RGS20: variants seen among roughly 807,000 people sequenced by gnomAD.
RGS20 encodes regulator of G protein signaling 20.
A neutral mutation model predicts 33.6 loss-of-function variants in RGS20; 30 were observed. That is an observed-to-expected ratio of 0.89 (90% CI 0.67 to 1.21). The LOEUF is 1.21. Among genes scored for constraint, RGS20 ranks in the 50% most tolerant of loss-of-function variants. RGS20 has a pLI of 0.00. For synonymous variants in RGS20, 208 were observed against 197.9 expected (o/e 1.05, Z -0.43); for missense variants, 472 against 502.4 (o/e 0.94, Z 0.58).
intron 2 of RGS20, chr8:53,887,229 C>T (rs1193571664): frequency 6.2e-6 from 1 of 161,672 alleles, no homozygotes; most frequent in Non-Finnish European, 1.4e-5. Flanking sequence ...TGTAAGATTT[C>T]TTCCTAGTTT....
intron 1 of RGS20, among the ~76,000 whole-genome samples, chr8:53,861,185 G>A (rs977127511): frequency 3.3e-5 from 5 of 152,102 alleles, no homozygotes; most frequent in Admixed American, 2.6e-4. Context: ...ACGCCTCAGA[G>A]ATAATTCTAC....
intron 2 of RGS20, among the ~76,000 whole-genome samples, chr8:53,899,727 T>C (rs941223688): frequency 6.6e-6 from 1 of 152,170 alleles, no homozygotes; most frequent in Non-Finnish European, 1.5e-5. Flanking sequence ...AGTTCAGCCA[T>C]GTAGTGGTAG....
chr8:53,906,671 T>C (rs915080922), intron 2 of RGS20, among the ~76,000 whole-genome samples: 1 of 152,150 alleles, frequency 6.6e-6, no homozygotes, highest in African/African-American at 2.4e-5. Context: ...TCCTGGAATA[T>C]CGCAGTGCTT....
At chr8:53,889,408 CTCTCTTTTTTTTTTTT>C (rs1277425213) in intron 2 of RGS20, among the ~76,000 whole-genome samples, 8 of 88,200 alleles carry the variant, frequency 9.1e-5, no homozygotes, top group African/African-American at 3.6e-4. Context: ...TTCTCTCTCT[CTCTCTTTTTTTTTTTT>C]TTTTTTTTTT....
At chr8:53,935,835 T>G (rs1254410709) in intron 2 of RGS20, among the ~76,000 whole-genome samples, 1 of 152,216 alleles carries the variant, frequency 6.6e-6, no homozygotes, top group Admixed American at 6.5e-5. Context: ...TGAACATCAA[T>G]GCGAACATCC....
At position 53,881,194 on chromosome 8, in the gene RGS20, A is replaced by T. The variant is rs562063166; in HGVS notation, c.510+1592A>T. ...GGGGCGCGCCGCTCGTCCGGACCTC[A>T]GGGTGTCGCCGTTGCTGCGGGGCGG... On this transcript the variant is annotated intron_variant, in intron 2 of 5. Coordinates refer to ENST00000297313, the MANE Select transcript of RGS20 (RefSeq NM_170587.4). The T allele has an allele frequency of 1.8e-5, 14 of 784,856 alleles. No homozygotes were observed. The South Asian group carries it at 2.8e-4, about 16-fold the overall frequency. 48.6% of individuals were successfully genotyped at this position (784,856 alleles called of 1,614,324 possible).
chr8:53,913,080 C>A (rs1381403051), intron 2 of RGS20, among the ~76,000 whole-genome samples: 1 of 152,012 alleles, frequency 6.6e-6, no homozygotes, highest in African/African-American at 2.4e-5. Flanking sequence ...ATTCTCCTGC[C>A]TCGGCCTCCC....
intron 2 of RGS20, among the ~76,000 whole-genome samples, chr8:53,905,542 T>C (rs1031644795): frequency 1.3e-5 from 2 of 152,198 alleles, no homozygotes; most frequent in African/African-American, 2.4e-5. Context: ...AATCGCCTCA[T>C]CTCAGCATCC....
chr8:53,958,859 T>G lies in RGS20; in HGVS notation c.*401T>G, dbSNP rs1266259383. Reference sequence around the variant, plus strand: ...CCTCAAAGAAAAGACATTCAGGTGTTTCTCAACGACATCTTCTGTCCAGCA... The same window carrying G: ...CCTCAAAGAAAAGACATTCAGGTGTGTCTCAACGACATCTTCTGTCCAGCA... On this transcript the variant is annotated 3_prime_UTR_variant, in exon 6 of 6. Transcript: ENST00000297313. 1 of 152,368 alleles carries G rather than the reference T, an allele frequency of 6.6e-6. No individual in the cohort carries two copies. Among genetic ancestry groups the G allele is most frequent in the Non-Finnish European group, 1.5e-5 (1 of 68,178 alleles). 9.4% of individuals were successfully genotyped at this position (152,368 alleles called of 1,614,324 possible).
At chr8:53,926,674 G>A (rs994035559) in intron 2 of RGS20, among the ~76,000 whole-genome samples, 1 of 152,174 alleles carries the variant, frequency 6.6e-6, no homozygotes, top group African/African-American at 2.4e-5. Flanking sequence ...CACTTTGGGA[G>A]GCTGAAACAG....
intron 2 of RGS20, among the ~76,000 whole-genome samples, chr8:53,922,744 C>T (rs908566493): frequency 6.6e-6 from 1 of 152,132 alleles, no homozygotes; most frequent in Non-Finnish European, 1.5e-5. Context: ...GCAATCATAG[C>T]TCGAACTCCT....
At chr8:53,908,829 T>C (rs1481362752) in intron 2 of RGS20, among the ~76,000 whole-genome samples, 1 of 151,674 alleles carries the variant, frequency 6.6e-6, no homozygotes. Context: ...ATAAACAAAC[T>C]ATCATATCAA....
intron 2 of RGS20, among the ~76,000 whole-genome samples, chr8:53,880,497 A>G (rs1441875125): frequency 6.6e-6 from 1 of 152,006 alleles, no homozygotes; most frequent in Non-Finnish European, 1.5e-5. Flanking sequence ...ACAGACGCGA[A>G]GCTCTGGGGA....
intron 2 of RGS20, among the ~76,000 whole-genome samples, chr8:53,894,918 AG>A (rs1812813042): frequency 6.6e-6 from 1 of 152,162 alleles, no homozygotes; most frequent in South Asian, 2.1e-4. Flanking sequence ...AGCCCACAGG[AG>A]GGGACTAACA....
rs201524544 is a variant in RGS20, at chr8:53,867,702, C to T, written c.166-11556C>T. 3.4e-5 allele frequency among the ~76,000 whole-genome samples: 5 copies of T among 146,426 alleles called. No individual in the cohort carries two copies. The South Asian group carries it at 6.5e-4, about 19-fold the overall frequency. On this transcript the variant is annotated intron_variant, in intron 1 of 5. Coordinates refer to ENST00000297313, the MANE Select transcript of RGS20 (RefSeq NM_170587.4). ...TCCTTCCTTCCTTCCTTCCTTCCTT[C>T]CTTTCTTTGTTTCTTTCCTTCTTTC...
In RGS20 at chr8:53,887,201, G is replaced by C. The variant is rs544129453; in HGVS notation, c.510+7599G>C. 5.1e-4 allele frequency: 81 copies of C among 159,002 alleles called. No homozygotes were observed. In the South Asian group the frequency reaches 7.9e-3, roughly 16 times the overall value. 9.8% of individuals were successfully genotyped at this position (159,002 alleles called of 1,614,324 possible). ...ACCCACTTCACCTTCTTTCTCTTATGCTTATTCTTGGGAGTCGTGTAAGAT... is the reference window on the plus strand; with the variant it reads ...ACCCACTTCACCTTCTTTCTCTTATCCTTATTCTTGGGAGTCGTGTAAGAT... On this transcript the variant is annotated intron_variant, in intron 2 of 5. Transcript: ENST00000297313.
chr8:53,895,001 G>T (rs766199531), intron 2 of RGS20, among the ~76,000 whole-genome samples: 5 of 152,130 alleles, frequency 3.3e-5, no homozygotes, highest in Non-Finnish European at 7.4e-5. Context: ...ACTCACCTCT[G>T]CTACTGTAGC....
chr8:53,951,035 T>G (rs1432508181), intron 4 of RGS20, among the ~76,000 whole-genome samples: 1 of 152,222 alleles, frequency 6.6e-6, no homozygotes, highest in East Asian at 1.9e-4. Flanking sequence ...ACTAGGAAAG[T>G]GTAACAACTT....
intron 3 of RGS20, among the ~76,000 whole-genome samples, chr8:53,940,024 AG>A (rs1256015414): frequency 6.6e-6 from 1 of 152,218 alleles, no homozygotes; most frequent in Non-Finnish European, 1.5e-5. Context: ...AGAAATGGTT[AG>A]AAAGAATTGG....
Sources: allele counts gnomAD v4.1 joint callset (sites outside exome capture counted in the v4.1 genomes callset), GRCh38; gene constraint gnomAD v4.1.1; transcripts MANE v1.5; gene names NCBI Gene and HGNC (gene_info 2026-07-23, HGNC 2026-07-21).